ATP11C: variants seen among roughly 807,000 people sequenced by gnomAD.
The protein encoded by ATP11C is ATPase phospholipid transporting 11C (ATP11C blood group).
In ATP11C, 36 loss-of-function variants were observed where a neutral mutation model predicts 97.4. That is an observed-to-expected ratio of 0.37 (90% CI 0.28 to 0.49). The LOEUF is 0.49. Ranked by LOEUF, ATP11C falls within the 20% of genes least tolerant of loss-of-function variation. ATP11C has a pLI of 0.98. For synonymous variants in ATP11C, 275 were observed against 290.9 expected (o/e 0.95, Z 0.56); for missense variants, 730 against 824.6 (o/e 0.89, Z 1.40).
At chrX:139,784,802 A>C (rs1340942236) in intron 16 of ATP11C, among the ~76,000 whole-genome samples, 1 of 111,416 alleles carries the variant, frequency 9.0e-6, no homozygotes, top group Non-Finnish European at 1.9e-5. Flanking sequence ...TAGGGGAACC[A>C]GGAAGGTCAG....
rs1407588023 is a variant in ATP11C at position 139,726,376 on chromosome X, T to C, written c.*2590A>G. 8.9e-6 allele frequency: 1 copy of C among 112,315 alleles called. No individual in the cohort carries two copies. The highest frequency in any genetic ancestry group is 1.9e-5 in the Non-Finnish European group (1 of 53,270). 9.3% of individuals were successfully genotyped at this position (112,315 alleles called of 1,213,427 possible). A position where few individuals can be genotyped will look rare whatever the true frequency, so the allele number is the denominator to read the frequency against. The stretch of plus-strand genomic sequence containing the variant: ...ATCATATCATACCAAAGTTTATTGA[T>C]TACATCAAACAAAAATTTCTGTAAT... On this transcript the variant is annotated 3_prime_UTR_variant, in exon 30 of 30. Transcript: ENST00000682941.
At chrX:139,830,899 A>T (rs1246027907) in intron 1 of ATP11C, among the ~76,000 whole-genome samples, 1 of 110,932 alleles carries the variant, frequency 9.0e-6, no homozygotes, top group Non-Finnish European at 1.9e-5. Context: ...GCATTTCCAT[A>T]CTAGGGCTGA....
chrX:139,931,284 G>A (rs2085428571), intron 1 of ATP11C, among the ~76,000 whole-genome samples: 1 of 112,051 alleles, frequency 8.9e-6, no homozygotes, highest in South Asian at 3.7e-4. Context: ...GTGGACGGAG[G>A]AGTCCAGTCA....
intron 1 of ATP11C, among the ~76,000 whole-genome samples, chrX:139,856,696 T>C (rs1048362938): frequency 3.6e-5 from 4 of 112,367 alleles, no homozygotes; most frequent in Admixed American, 9.4e-5. Context: ...CGAAATCAAA[T>C]AGCTGCAGGA....
chrX:139,886,294 A>G (rs1191372614), intron 1 of ATP11C, among the ~76,000 whole-genome samples: 1 of 111,657 alleles, frequency 9.0e-6, no homozygotes, highest in African/African-American at 3.3e-5. Context: ...TGAAATTTTT[A>G]AAAGCACCAG....
At chrX:139,748,227 T>C (rs2081734597) in intron 24 of ATP11C, among the ~76,000 whole-genome samples, 1 of 110,901 alleles carries the variant, frequency 9.0e-6, no homozygotes, top group Non-Finnish European at 1.9e-5. Context: ...CACAAAACCA[T>C]TGTGATTAGG....
At chrX:139,854,666 T>C (rs2084061334) in intron 1 of ATP11C, among the ~76,000 whole-genome samples, 1 of 112,385 alleles carries the variant, frequency 8.9e-6, no homozygotes, top group Non-Finnish European at 1.9e-5. Context: ...TAAAAGTAAT[T>C]AGACCTCCTG....
At chrX:139,913,377 A>T (rs1345009828) in intron 1 of ATP11C, among the ~76,000 whole-genome samples, 4 of 111,731 alleles carry the variant, frequency 3.6e-5, no homozygotes, top group Non-Finnish European at 7.5e-5. Context: ...TCTACATTAG[A>T]TCCTCAATCA....
chrX:139,776,400 C>G (rs1318090314), intron 18 of ATP11C, among the ~76,000 whole-genome samples: 1 of 111,875 alleles, frequency 8.9e-6, no homozygotes, highest in Non-Finnish European at 1.9e-5. Flanking sequence ...AAAGGCTCGG[C>G]CAAAGCCCAT....
At chrX:139,916,542 T>A (rs970614113) in intron 1 of ATP11C, among the ~76,000 whole-genome samples, 1 of 110,916 alleles carries the variant, frequency 9.0e-6, no homozygotes, top group Non-Finnish European at 1.9e-5. Context: ...AGGTTCATAG[T>A]AACATGAGAA....
intron 1 of ATP11C, among the ~76,000 whole-genome samples, chrX:139,842,981 G>A (rs942043122): frequency 2.7e-5 from 3 of 111,767 alleles, no homozygotes; most frequent in South Asian, 3.7e-4. Flanking sequence ...TCATTTTCTC[G>A]CCAAGTATCT....
chrX:139,829,415 AAT>A (rs1371987756), intron 1 of ATP11C, among the ~76,000 whole-genome samples: 1 of 112,411 alleles, frequency 8.9e-6, no homozygotes, highest in Non-Finnish European at 1.9e-5. Context: ...ACCTGCTGCC[AAT>A]ATAGAGTGTT....
intron 8 of ATP11C, 78 bp from the exon 9 acceptor site, chrX:139,798,821 C>A: frequency 1.4e-6 from 1 of 710,607 alleles, no homozygotes; most frequent in Non-Finnish European, 2.2e-6. Context: ...TGCCCTGACA[C>A]ACACCTATCT....
intron 1 of ATP11C, among the ~76,000 whole-genome samples, chrX:139,864,672 C>T (rs897253896): frequency 4.5e-5 from 5 of 112,062 alleles, no homozygotes; most frequent in Non-Finnish European, 9.4e-5. Flanking sequence ...TCACCATCAC[C>T]CACGCTCCCA....
chrX:139,811,482 A>T (rs2083174141), intron 5 of ATP11C, among the ~76,000 whole-genome samples: 1 of 111,442 alleles, frequency 9.0e-6, no homozygotes, highest in Admixed American at 9.5e-5. Flanking sequence ...TCTTATTTAA[A>T]AGCACTAGCA....
chrX:139,737,913 T>TACCCTGGC lies in ATP11C; in HGVS notation c.3283_3288+2dup. ...CAGGTTGTAAGATAAACTTAGTTCT[T>TACCCTGGC]ACCCTGGCACTTCTTCTTCTTACAT... On this transcript the variant is annotated splice_region_variant and intron_variant, in intron 28 of 29. Coordinates refer to ENST00000682941, the MANE Select transcript of ATP11C (RefSeq NM_001353812.2). 1 of 1,201,968 alleles carries TACCCTGGC rather than the reference T, an allele frequency of 8.3e-7. No homozygotes were observed. The highest frequency in any genetic ancestry group is 2.2e-5 in the Admixed American group (1 of 44,979).
Position 139,906,250 on chromosome X carries a change from C to G in ATP11C, c.27+25766G>C, listed in dbSNP as rs753553164. Among the ~76,000 whole-genome samples the G allele has an allele frequency of 5.7e-5, 6 of 105,505 alleles. No homozygotes were observed. In the South Asian group the frequency reaches 2.6e-3, roughly 46 times the overall value. The allele number at this position is 105,505 out of a possible 115,157, so 91.6% of individuals were successfully genotyped here. A position where few individuals can be genotyped will look rare whatever the true frequency, so the allele number is the denominator to read the frequency against. On this transcript the variant is annotated intron_variant, in intron 1 of 29. Coordinates refer to ENST00000682941, the MANE Select transcript of ATP11C (RefSeq NM_001353812.2). ...ACCAACCTGTAGAGTGAGACCCCAT[C>G]TCTACAAAAAAAAAAAAATTAGCTG...
chrX:139,784,080 G>A (rs2082523026), intron 16 of ATP11C, among the ~76,000 whole-genome samples: 1 of 111,840 alleles, frequency 8.9e-6, no homozygotes, highest in Admixed American at 9.5e-5. Context: ...CACACACCCA[G>A]GAAATATTCA....
intron 1 of ATP11C, among the ~76,000 whole-genome samples, chrX:139,875,196 TA>T (rs1366569998): frequency 9.0e-6 from 1 of 111,206 alleles, no homozygotes; most frequent in Non-Finnish European, 1.9e-5. Context: ...AAAGTTCTTT[TA>T]GTTACTGCCC....
Sources: allele counts gnomAD v4.1 joint callset (sites outside exome capture counted in the v4.1 genomes callset), GRCh38; gene constraint gnomAD v4.1.1; transcripts MANE v1.5; gene names NCBI Gene and HGNC (gene_info 2026-07-23, HGNC 2026-07-21).